Variants in YJU2 observed in about 807,000 individuals in gnomAD.
The protein encoded by YJU2 is YJU2 splicing factor homolog, also known as splicing factor YJU2.
A neutral mutation model predicts 39.6 loss-of-function variants in YJU2; 28 were observed. That is an observed-to-expected ratio of 0.71 (90% CI 0.52 to 0.97). The LOEUF (loss-of-function observed/expected upper bound fraction) is 0.97. YJU2 is among the 50% of genes least tolerant of loss of function. YJU2 has a pLI of 0.00. For synonymous variants in YJU2, 184 were observed against 182.4 expected, an observed-to-expected ratio of 1.01 and a Z score of -0.07; for missense variants, 328 against 430.4, an observed-to-expected ratio of 0.76 and a Z score of 2.11.
In YJU2 at chr19:4,267,686, G is replaced by A. The variant is rs762322418; in HGVS notation, c.771G>A (p.Arg257=). ...AGAGCGTTGGCAGCCTGGGCAGCCG[G>A]CCCCCGCTGTCGAGGCTGGTCGTGG... The part of the protein sequence containing the change: ...WEQSVGSLGS[R]PPLSRLVVVK... The change falls in exon 7 of 8, where the codon CGG becomes CGA. Residue 257 remains arginine (R), a synonymous_variant. Transcript: ENST00000262962. The A allele has an allele frequency of 1.2e-6, 2 of 1,613,498 alleles. No homozygotes were observed. Among genetic ancestry groups the A allele is most frequent in the Non-Finnish European group, 1.7e-6 (2 of 1,179,934 alleles).
chr19:4,254,348 C>G lies in YJU2; in HGVS notation c.271-7C>G. The G allele has an allele frequency of 1.9e-6, 3 of 1,610,080 alleles. No homozygotes were observed. The highest frequency in any genetic ancestry group is 2.5e-6 in the Non-Finnish European group (3 of 1,176,762). ...TAGGAGCTGATGTCTGTCTATCCTCCCTGCAGACAGACCCTGAAAACACAG... is the reference window on the plus strand; with the variant it reads ...TAGGAGCTGATGTCTGTCTATCCTCGCTGCAGACAGACCCTGAAAACACAG... On this transcript the variant is annotated splice_region_variant and splice_polypyrimidine_tract_variant and intron_variant, in intron 3 of 7. Coordinates refer to ENST00000262962, the MANE Select transcript of YJU2 (RefSeq NM_018074.6).
chr19:4,266,708 G>T (rs1250721489), intron 6 of YJU2, among the ~76,000 whole-genome samples: 1 of 152,200 alleles, frequency 6.6e-6, no homozygotes, highest in Non-Finnish European at 1.5e-5. Context: ...GAGGCTAGAT[G>T]CAGTGGCTCA....
At chr19:4,259,174 C>T (rs1460960055) in intron 5 of YJU2, among the ~76,000 whole-genome samples, 6 of 101,496 alleles carry the variant, frequency 5.9e-5, no homozygotes, top group Non-Finnish European at 9.3e-5. Flanking sequence ...CTCCGCCTCC[C>T]GGGTTCATGC....
chr19:4,257,532 G>GGC (rs1971031006), intron 4 of YJU2, among the ~76,000 whole-genome samples: 1 of 151,308 alleles, frequency 6.6e-6, no homozygotes, highest in Non-Finnish European at 1.5e-5. Context: ...GGAGTCCAGT[G>GGC]GTGCAATCTT....
chr19:4,250,988 G>C (rs759678293), intron 2 of YJU2, 39 bp from the exon 3 acceptor site: 30 of 1,596,094 alleles, frequency 1.9e-5, no homozygotes, highest in Non-Finnish European at 2.5e-5. Flanking sequence ...GGGAGCCAGC[G>C]TCCCAAGACA....
chr19:4,247,558 T>TG (rs1970930280), intron 1 of YJU2, among the ~76,000 whole-genome samples: 1 of 54,130 alleles, frequency 1.8e-5, no homozygotes, highest in Non-Finnish European at 2.9e-5. Flanking sequence ...TCGTGTACTT[T>TG]GGGTGGGGTG....
chr19:4,268,624 G>A lies in YJU2; in HGVS notation c.900G>A (p.Leu300=). ...GGAAGGAGGCCAACCCTACACCCCT[G>A]ACGCCTGGCGCGTCCTCCCTGAGCC... is the stretch of plus-strand genomic sequence containing the variant. ...QNRKEANPTP[L]TPGASSLSQL... The change falls in exon 8 of 8, where the codon CTG becomes CTA. Residue 300 remains leucine, a synonymous_variant. Coordinates refer to ENST00000262962, the MANE Select transcript of YJU2 (RefSeq NM_018074.6). The A allele has an allele frequency of 6.2e-7, 1 of 1,613,818 alleles. No homozygotes were observed.
intron 6 of YJU2, among the ~76,000 whole-genome samples, chr19:4,265,219 A>G (rs1392321317): frequency 6.6e-6 from 1 of 151,992 alleles, no homozygotes; most frequent in Non-Finnish European, 1.5e-5. Context: ...TATAGGAAGG[A>G]ATATCTCCAC....
chr19:4,249,314 C>T lies in YJU2; in HGVS notation c.111C>T (p.Ala37=). 1 of 1,612,876 alleles carries T rather than the reference C, an allele frequency of 6.2e-7. No homozygotes were observed. The highest frequency in any genetic ancestry group is 8.5e-7 in the Non-Finnish European group (1 of 1,179,086). Residue 37 remains alanine, a synonymous_variant, in exon 2 of 8, where the codon GCC becomes GCT. Transcript: ENST00000262962. ...KDRQYVVRLM[A]PFNMRCKTCG... The stretch of plus-strand genomic sequence containing the variant: ...GGCAGTACGTGGTGCGGCTGATGGC[C>T]CCCTTCAACATGAGGTGAGCACCCC...
rs116296546 is a variant in YJU2 at position 4,263,122 on chromosome 19, A to G, written c.708+1008A>G. On this transcript the variant is annotated intron_variant, in intron 6 of 7. Transcript: ENST00000262962. ...ATTTACTAAAACTGGTGGCAGGCCT[A>G]TGGGTCTGTAATTCGCCAACCCCTG... 8.3e-3 allele frequency among the ~76,000 whole-genome samples: 1,254 copies of G among 151,854 alleles called. 21 individuals are homozygous for G. Among genetic ancestry groups the G allele is most frequent in the African/African-American group, 0.029 (1,200 of 41,344 alleles).
intron 6 of YJU2, 113 bp from the exon 7 acceptor site, chr19:4,267,511 T>G: frequency 9.0e-7 from 1 of 1,115,576 alleles, no homozygotes; most frequent in Non-Finnish European, 1.3e-6. Flanking sequence ...AGGAATGTGG[T>G]CAGTGCAGCA....
chr19:4,267,040 C>T (rs1971121182), intron 6 of YJU2, among the ~76,000 whole-genome samples: 1 of 152,158 alleles, frequency 6.6e-6, no homozygotes, highest in Non-Finnish European at 1.5e-5. Flanking sequence ...GCCTTTTCTA[C>T]CTGCCCCTAA....
intron 6 of YJU2, among the ~76,000 whole-genome samples, chr19:4,262,817 A>G (rs1971082866): frequency 6.6e-6 from 1 of 152,168 alleles, no homozygotes; most frequent in Non-Finnish European, 1.5e-5. Flanking sequence ...CTGAGGCAGG[A>G]GGACCGCTTG....
chr19:4,258,227 C>A lies in YJU2; in HGVS notation c.406-15C>A. Reference sequence around the variant, plus strand: ...GATCCCCATGCACTCAGCCCCGCCGCCCCGCGCCCGCCAGGTGCTGGAGAA... The same window carrying A: ...GATCCCCATGCACTCAGCCCCGCCGACCCGCGCCCGCCAGGTGCTGGAGAA... On this transcript the variant is annotated splice_polypyrimidine_tract_variant and intron_variant, in intron 4 of 7. Coordinates refer to ENST00000262962, the MANE Select transcript of YJU2 (RefSeq NM_018074.6). 3 of 1,550,458 alleles carry A rather than the reference C, an allele frequency of 1.9e-6. No individual in the cohort carries two copies. The highest frequency in any genetic ancestry group is 2.6e-6 in the Non-Finnish European group (3 of 1,146,552).
At chr19:4,259,434 C>T (rs1234700659) in intron 5 of YJU2, among the ~76,000 whole-genome samples, 1 of 152,032 alleles carries the variant, frequency 6.6e-6, no homozygotes, top group Non-Finnish European at 1.5e-5. Context: ...GGCTGGAGTG[C>T]AGTAGTGCAG....
intron 3 of YJU2, among the ~76,000 whole-genome samples, chr19:4,252,426 G>C (rs529707944): frequency 7.3e-6 from 1 of 137,128 alleles, no homozygotes; most frequent in Admixed American, 7.1e-5. Flanking sequence ...GTGAAACCCC[G>C]TCTCTACTAA....
At chr19:4,262,623 T>C (rs1011248100) in intron 6 of YJU2, among the ~76,000 whole-genome samples, 1 of 152,068 alleles carries the variant, frequency 6.6e-6, no homozygotes, top group African/African-American at 2.4e-5. Flanking sequence ...AATCTTTATT[T>C]ATAGGCGGGG....
At chr19:4,250,883 G>C (rs1970970557) in intron 2 of YJU2, 144 bp from the exon 3 acceptor site, 1 of 804,866 alleles carries the variant, frequency 1.2e-6, no homozygotes, top group African/African-American at 1.7e-5. Context: ...TTGGACACAG[G>C]GTGGGGCAGC....
Position 4,268,552 on chromosome 19 carries a change from C to G in YJU2, c.860-32C>G, listed in dbSNP as rs539222141. 7 of 1,498,784 alleles carry G rather than the reference C, an allele frequency of 4.7e-6. No individual in the cohort carries two copies. The East Asian group carries it at 1.4e-4, about 30-fold the overall frequency. 92.8% of individuals were successfully genotyped at this position (1,498,784 alleles called of 1,614,324 possible). ...TGTCCCTGGCCTGTCTGCTGTGGAG[C>G]TGAGATGAGCTAACTCTCGCTCTCC... On this transcript the variant is annotated intron_variant, in intron 7 of 7. Coordinates refer to ENST00000262962, the MANE Select transcript of YJU2 (RefSeq NM_018074.6).
Sources: allele counts gnomAD v4.1 joint callset (sites outside exome capture counted in the v4.1 genomes callset), GRCh38; gene constraint gnomAD v4.1.1; transcripts MANE v1.5; gene names NCBI Gene and HGNC (gene_info 2026-07-23, HGNC 2026-07-21).